The following FRMPD2 variants were observed in gnomAD, a reference collection of about 807,000 sequenced individuals.
FRMPD2 encodes FERM and PDZ domain-containing protein 2.
FRMPD2 carries 96 observed loss-of-function variants against 140.1 expected under a neutral mutation model. That is an observed-to-expected ratio of 0.69 (90% CI 0.58 to 0.81). The LOEUF (loss-of-function observed/expected upper bound fraction) is 0.81. Ranked by LOEUF, FRMPD2 falls within the 40% of genes least tolerant of loss-of-function variation. The pLI, the probability that FRMPD2 is intolerant of heterozygous loss-of-function variation, is 0.00. For synonymous variants in FRMPD2, 449 were observed against 547.6 expected (o/e 0.82, Z 2.52); for missense variants, 1,240 against 1,447.4 (o/e 0.86, Z 2.32).
chr10:48,161,904 G>A (rs1281109049), intron 28 of FRMPD2, among the ~76,000 whole-genome samples: 4 of 150,318 alleles, frequency 2.7e-5, no homozygotes, highest in Non-Finnish European at 4.4e-5. Context: ...AAAGGCACTT[G>A]GCAAGTCAAA....
chr10:48,230,709 C>T (rs777566709), intron 10 of FRMPD2, among the ~76,000 whole-genome samples: 2 of 152,222 alleles, frequency 1.3e-5, no homozygotes, highest in Admixed American at 6.5e-5. Flanking sequence ...CTGTTCATTG[C>T]TTTTGTGTGT....
chr10:48,230,608 T>A (rs957800014), intron 10 of FRMPD2, among the ~76,000 whole-genome samples: 1 of 152,222 alleles, frequency 6.6e-6, no homozygotes, highest in African/African-American at 2.4e-5. Flanking sequence ...ATTGTGATTA[T>A]CTTTAGTAAA....
At chr10:48,274,808 A>G (rs1215283048), upstream of FRMPD2, 8 of 519,786 alleles carry the variant, frequency 1.5e-5, no homozygotes, top group Non-Finnish European at 2.7e-5. Flanking sequence ...GTTAGCAGGC[A>G]CTGCCACCCC....
chr10:48,192,106 C>A (rs1458274225), intron 16 of FRMPD2, among the ~76,000 whole-genome samples: 1 of 152,198 alleles, frequency 6.6e-6, no homozygotes, highest in Non-Finnish European at 1.5e-5. Flanking sequence ...TCTCCAATTT[C>A]ATATTGTCAT....
chr10:48,193,370 G>A (rs762763696), intron 15 of FRMPD2, among the ~76,000 whole-genome samples: 54 of 152,194 alleles, frequency 3.5e-4, no homozygotes, highest in Non-Finnish European at 6.0e-4. Flanking sequence ...TCTACACAGC[G>A]TAGTTTGCCC....
At chr10:48,211,505 G>A (rs535329953) in intron 13 of FRMPD2, among the ~76,000 whole-genome samples, 2 of 152,110 alleles carry the variant, frequency 1.3e-5, no homozygotes, top group Admixed American at 6.5e-5. Context: ...AGATTTGTCC[G>A]GGCACAGTGG....
In FRMPD2 at chr10:48,260,591, T is replaced by C. The variant is rs1588859904; in HGVS notation, c.26-8900A>G. ...TGGGCAGCCCATGGCTTCATTAAAA[T>C]TGACACATAAAATTAATTATAATAC... On this transcript the variant is annotated intron_variant, in intron 1 of 28. Coordinates refer to ENST00000374201, the MANE Select transcript of FRMPD2 (RefSeq NM_001018071.4). Among the ~76,000 whole-genome samples, 3 of 152,288 alleles carry C rather than the reference T, an allele frequency of 2.0e-5. No homozygotes were observed. The East Asian group carries it at 5.8e-4, about 29-fold the overall frequency.
At position 48,163,661 on chromosome 10, in the gene FRMPD2, A is replaced by T. The variant is rs782781503; in HGVS notation, c.3548T>A (p.Leu1183His). The T allele has an allele frequency of 6.5e-7, 1 of 1,527,004 alleles. No homozygotes were observed. Among genetic ancestry groups the T allele is most frequent in the Non-Finnish European group, 9.1e-7 (1 of 1,104,536 alleles). The allele number at this position is 1,527,004 out of a possible 1,614,324, so 94.6% of individuals were successfully genotyped here. ...CCTGGTGAATTCTTTGTCAGCTGAG[A>T]GTTCAGGTGTCTATTAAAAGAAATG... ...ELEQEWQTPE[L>H]SADKEFTRAT... Residue 1183 changes from leucine to histidine, a missense_variant, in exon 28 of 29, where the codon CTC (leucine) becomes CAC (histidine). Transcript: ENST00000374201.
At chr10:48,258,651 C>A (rs1215483634) in intron 1 of FRMPD2, among the ~76,000 whole-genome samples, 1 of 151,862 alleles carries the variant, frequency 6.6e-6, no homozygotes, top group Non-Finnish European at 1.5e-5. Context: ...CACACTAGTA[C>A]AGAGAAATAT....
chr10:48,236,398 C>G (rs1194167800), intron 9 of FRMPD2, 84 bp downstream of exon 9: 1 of 1,128,550 alleles, frequency 8.9e-7, no homozygotes, highest in Non-Finnish European at 1.4e-6. Context: ...CCATGTGAGA[C>G]CCCATTCAGA....
intron 12 of FRMPD2, among the ~76,000 whole-genome samples, chr10:48,221,781 G>A (rs1339623133): frequency 2.0e-5 from 3 of 152,152 alleles, no homozygotes; most frequent in African/African-American, 7.2e-5. Flanking sequence ...CCAGAGCCTA[G>A]CAAAGAGAGC....
chr10:48,186,575 T>A (rs1297672869), intron 17 of FRMPD2, among the ~76,000 whole-genome samples: 1 of 152,228 alleles, frequency 6.6e-6, no homozygotes, highest in Non-Finnish European at 1.5e-5. Context: ...GCTGCCATCA[T>A]GTAAGAAGTG....
chr10:48,168,150 A>G (rs1838148917), intron 27 of FRMPD2, among the ~76,000 whole-genome samples: 1 of 141,996 alleles, frequency 7.0e-6, no homozygotes, highest in Admixed American at 6.8e-5. Context: ...AAAAATCCCT[A>G]TTTTCCTGAT....
At position 48,238,060 on chromosome 10, in the gene FRMPD2, C is replaced by T. The variant is rs766360940; in HGVS notation, c.852G>A (p.Val284=). ...GCCATGAGCTGTCTGCTGCCGAGTGCACAGATCCAGAGCTGAGCCTCCGGC... is the reference window on the plus strand; with the variant it reads ...GCCATGAGCTGTCTGCTGCCGAGTGTACAGATCCAGAGCTGAGCCTCCGGC... ...QAGRRLSSGS[V]HSAADSSWPT... The change falls in exon 8 of 29, where the codon GTG becomes GTA. Residue 284 remains valine (V), a synonymous_variant. Transcript: ENST00000374201. 3.1e-6 allele frequency: 5 copies of T among 1,613,916 alleles called. No homozygotes were observed. The African/African-American group carries it at 5.3e-5, about 17-fold the overall frequency.
intron 28 of FRMPD2, among the ~76,000 whole-genome samples, chr10:48,161,868 T>G (rs1200760286): frequency 6.6e-6 from 1 of 151,170 alleles, no homozygotes; most frequent in Non-Finnish European, 1.5e-5. Context: ...AATACCATTT[T>G]AAATAACTAT....
chr10:48,188,603 C>T (rs966448398), intron 16 of FRMPD2, among the ~76,000 whole-genome samples: 2 of 152,214 alleles, frequency 1.3e-5, no homozygotes, highest in Non-Finnish European at 2.9e-5. Flanking sequence ...TTTCATGCCT[C>T]CTAGAGCCAA....
intron 1 of FRMPD2, among the ~76,000 whole-genome samples, chr10:48,259,916 G>T (rs574717579): frequency 6.6e-6 from 1 of 152,050 alleles, no homozygotes; most frequent in Admixed American, 6.6e-5. Context: ...AAGAACAACA[G>T]AAAAAATTGA....
At chr10:48,242,482 C>A (rs1471427555) in intron 4 of FRMPD2, 130 bp from the exon 5 acceptor site, 1 of 704,344 alleles carries the variant, frequency 1.4e-6, no homozygotes, top group Admixed American at 2.9e-5. Context: ...GATGCCTGCC[C>A]CTTCTGGAGA....
At chr10:48,213,959 C>G (rs1052288922) in intron 12 of FRMPD2, among the ~76,000 whole-genome samples, 1 of 152,154 alleles carries the variant, frequency 6.6e-6, no homozygotes, top group African/African-American at 2.4e-5. Flanking sequence ...AAAATGAACT[C>G]GGGGCACATA....
Sources: allele counts gnomAD v4.1 joint callset (sites outside exome capture counted in the v4.1 genomes callset), GRCh38; gene constraint gnomAD v4.1.1; transcripts MANE v1.5; gene names NCBI Gene and HGNC (gene_info 2026-07-23, HGNC 2026-07-21).